The following PAM variants were observed in gnomAD, a reference collection of about 807,000 sequenced individuals.
The protein encoded by PAM is peptidylglycine alpha-amidating monooxygenase.
Under a neutral mutation model 122.1 loss-of-function variants are expected in PAM, and 72 were observed. The observed-to-expected ratio is 0.59, with a 90% CI of 0.49 to 0.72. The LOEUF is 0.72. Ranked by LOEUF, PAM falls within the 30% of genes least tolerant of loss-of-function variation. The probability of loss-of-function intolerance (pLI) is 0.00; values close to 1 mark genes in which losing one functional copy is unlikely to be tolerated. For synonymous variants in PAM, 389 were observed against 404.4 expected (o/e 0.96, Z 0.46); for missense variants, 1,106 against 1,183.7 (o/e 0.93, Z 0.96).
intron 1 of PAM, among the ~76,000 whole-genome samples, chr5:102,832,479 C>A (rs1775761806): frequency 6.6e-6 from 1 of 151,876 alleles, no homozygotes; most frequent in Non-Finnish European, 1.5e-5. Flanking sequence ...TTTTTCCCTA[C>A]AAATACATAT....
intron 21 of PAM, among the ~76,000 whole-genome samples, chr5:103,015,788 C>T (rs1181154704): frequency 6.6e-6 from 1 of 152,114 alleles, no homozygotes; most frequent in Non-Finnish European, 1.5e-5. Flanking sequence ...GTGGCTCTCT[C>T]ACTTGAGAGC....
At chr5:103,005,253 A>G (rs766596985) in intron 18 of PAM, 27 bp downstream of exon 18, 1 of 991,710 alleles carries the variant, frequency 1.0e-6, no homozygotes, top group East Asian at 2.4e-5. Context: ...TAATATTCAA[A>G]TTAGAAGCTA....
chr5:102,948,085 G>A (rs1013822391), intron 8 of PAM, among the ~76,000 whole-genome samples: 4 of 152,064 alleles, frequency 2.6e-5, no homozygotes, highest in African/African-American at 9.7e-5. Flanking sequence ...TTAATTTAAA[G>A]GTTAATCACA....
chr5:102,839,552 A>G (rs1212180848), intron 1 of PAM, among the ~76,000 whole-genome samples: 1 of 151,816 alleles, frequency 6.6e-6, no homozygotes, highest in Non-Finnish European at 1.5e-5. Flanking sequence ...AAAAAAAAAA[A>G]AAAAATTGTG....
chr5:102,971,771 A>T (rs1765903544), intron 14 of PAM, among the ~76,000 whole-genome samples: 1 of 152,198 alleles, frequency 6.6e-6, no homozygotes, highest in East Asian at 1.9e-4. Flanking sequence ...TGTATTTTCT[A>T]AATAAACATC....
intron 5 of PAM, among the ~76,000 whole-genome samples, chr5:102,924,056 G>A (rs1748413199): frequency 6.6e-6 from 1 of 152,140 alleles, no homozygotes; most frequent in Admixed American, 6.5e-5. Context: ...AAAAAATTAA[G>A]TAACTTGCAT....
In PAM at chr5:103,011,563, G is replaced by C. The variant is rs145740551; in HGVS notation, c.2331+1697G>C. ...CTTATTTCATCTATAATGATCTCCAGTTCCATCCATGTTATTGCAAATGAC... is the reference window on the plus strand; with the variant it reads ...CTTATTTCATCTATAATGATCTCCACTTCCATCCATGTTATTGCAAATGAC... On this transcript the variant is annotated intron_variant, in intron 21 of 25. Coordinates refer to ENST00000438793, the MANE Select transcript of PAM (RefSeq NM_001177306.2). Among the ~76,000 whole-genome samples the C allele has an allele frequency of 8.0e-3, 1,211 of 152,188 alleles. 10 individuals carry two copies. The highest frequency in any genetic ancestry group is 0.012 in the Non-Finnish European group (844 of 68,014).
chr5:102,961,696 C>A (rs562824231), intron 14 of PAM, among the ~76,000 whole-genome samples: 1 of 151,784 alleles, frequency 6.6e-6, no homozygotes, highest in Non-Finnish European at 1.5e-5. Flanking sequence ...AAGGTAGGAG[C>A]GATTATTGTC....
intron 16 of PAM, among the ~76,000 whole-genome samples, chr5:102,996,456 A>G (rs1390644463): frequency 1.3e-5 from 2 of 152,218 alleles, no homozygotes; most frequent in African/African-American, 2.4e-5. Flanking sequence ...GCCATTTGTG[A>G]ACTGTTCAAG....
chr5:102,758,068 ATTTTGTTTTTTTTTTTTTTTT>A lies in PAM; in HGVS notation c.-374+2725_-374+2745del, dbSNP rs1751061965. Among the ~76,000 whole-genome samples the A allele has an allele frequency of 2.4e-4, 21 of 87,628 alleles. 1 individual carries two copies. The highest frequency in any genetic ancestry group is 6.5e-4 in the African/African-American group (15 of 23,108). 57.5% of individuals were successfully genotyped at this position (87,628 alleles called of 152,430 possible). A position where few individuals can be genotyped will look rare whatever the true frequency, so the allele number is the denominator to read the frequency against. Reference sequence around the variant, plus strand: ...AAAAAAAAAAAAAAAAAGACTTAGAATTTTGTTTTTTTTTTTTTTTTTTTTTTTTTTTTTTTTTTTCTTGGG... The same window carrying A: ...AAAAAAAAAAAAAAAAAGACTTAGAATTTTTTTTTTTTTTTTTTTCTTGGG... On this transcript the variant is annotated intron_variant, in intron 1 of 25. Transcript: ENST00000438793.
chr5:102,888,800 T>C (rs1250155019), intron 3 of PAM, among the ~76,000 whole-genome samples: 1 of 151,992 alleles, frequency 6.6e-6, no homozygotes, highest in Non-Finnish European at 1.5e-5. Context: ...TCCTTTTTTT[T>C]CTTTAAAATA....
chr5:102,828,765 GT>G (rs1266001482), intron 1 of PAM, among the ~76,000 whole-genome samples: 1 of 152,182 alleles, frequency 6.6e-6, no homozygotes. Flanking sequence ...TGTGGCCTTG[GT>G]AAGAGTTGGT....
At chr5:102,942,080 AAAC>A (rs558168882) in intron 7 of PAM, among the ~76,000 whole-genome samples, 255 of 152,218 alleles carry the variant, frequency 1.7e-3, no homozygotes, top group Middle Eastern at 6.8e-3. Flanking sequence ...CTTTTTAAAA[AAAC>A]AACATGGCCC....
At chr5:102,947,012 T>C (rs1425005641) in intron 8 of PAM, 127 bp downstream of exon 8, 20 of 704,144 alleles carry the variant, frequency 2.8e-5, no homozygotes, top group African/African-American at 5.4e-5. Context: ...ACAACAAATA[T>C]GTATTGTCTC....
intron 12 of PAM, among the ~76,000 whole-genome samples, chr5:102,954,462 T>G (rs1454011247): frequency 6.6e-6 from 1 of 151,788 alleles, no homozygotes; most frequent in Non-Finnish European, 1.5e-5. Flanking sequence ...ACTTTAAAAG[T>G]AGGTATATTT....
intron 1 of PAM, among the ~76,000 whole-genome samples, chr5:102,779,886 C>CATAT (rs767088116): frequency 0.044 from 3,585 of 80,920 alleles, 130 homozygotes; most frequent in East Asian, 0.1. Flanking sequence ...CTCCCATATA[C>CATAT]ATATATATAT....
chr5:102,989,772 A>G (rs1201217066), intron 15 of PAM: 5 of 147,526 alleles, frequency 3.4e-5, no homozygotes, highest in Admixed American at 2.0e-4. Context: ...CTGAATATCC[A>G]GAATTTACTC....
chr5:102,835,704 C>T (rs1320108689), intron 1 of PAM, among the ~76,000 whole-genome samples: 3 of 151,750 alleles, frequency 2.0e-5, no homozygotes, highest in African/African-American at 7.3e-5. Context: ...TAATGAGGCT[C>T]ATGACATTTT....
At chr5:102,810,424 G>A (rs1441938697) in intron 1 of PAM, among the ~76,000 whole-genome samples, 2 of 152,180 alleles carry the variant, frequency 1.3e-5, no homozygotes, top group Non-Finnish European at 2.9e-5. Flanking sequence ...AAATTTTACA[G>A]ATACTTAAAC....
Sources: allele counts gnomAD v4.1 joint callset (sites outside exome capture counted in the v4.1 genomes callset), GRCh38; gene constraint gnomAD v4.1.1; transcripts MANE v1.5; gene names NCBI Gene and HGNC (gene_info 2026-07-23, HGNC 2026-07-21).